ABCF1: variants seen among roughly 807,000 people sequenced by gnomAD.
The protein encoded by ABCF1 is ATP-binding cassette sub-family F member 1.
A neutral mutation model predicts 126.3 loss-of-function variants in ABCF1; 73 were observed. That is an observed-to-expected ratio of 0.58 (90% CI 0.48 to 0.70). The LOEUF (loss-of-function observed/expected upper bound fraction) is 0.70. Ranked by LOEUF, ABCF1 falls within the 30% of genes least tolerant of loss-of-function variation. The pLI is 0.00. For missense variants in ABCF1, 786 were observed against 1,057.5 expected (o/e 0.74, Z 3.56); for synonymous variants, 345 against 396.4 (o/e 0.87, Z 1.54).
At chr6:30,577,348 G>A (rs1397284560) in intron 1 of ABCF1, 61 bp from the exon 2 acceptor site, 3 of 1,527,688 alleles carry the variant, frequency 2.0e-6, no homozygotes, top group Non-Finnish European at 2.7e-6. Flanking sequence ...TCTTTGCAGG[G>A]GGGATCAGAC....
rs1336464217 is a variant in ABCF1 at position 30,586,313 on chromosome 6, C to T, written c.1885+8C>T. 5.6e-6 allele frequency: 9 copies of T among 1,602,534 alleles called. No homozygotes were observed. Among genetic ancestry groups the T allele is most frequent in the Non-Finnish European group, 7.7e-6 (9 of 1,174,138 alleles). Reference sequence around the variant, plus strand: ...CAGTGCTGGGTCTGCATGGTGAGTGCCGCGGGCCTCTGCTGCTCCACAGGA... The same window carrying T: ...CAGTGCTGGGTCTGCATGGTGAGTGTCGCGGGCCTCTGCTGCTCCACAGGA... On this transcript the variant is annotated splice_region_variant and intron_variant, in intron 18 of 24. Coordinates refer to ENST00000326195, the MANE Select transcript of ABCF1 (RefSeq NM_001025091.2). The surrounding 1 kb of genome is among the most constrained non-coding windows in gnomAD (Gnocchi z 4.9).
intron 20 of ABCF1, among the ~76,000 whole-genome samples, chr6:30,587,111 G>A (rs1013200476): frequency 2.0e-5 from 3 of 152,130 alleles, no homozygotes; most frequent in African/African-American, 4.8e-5. Flanking sequence ...AAAATTAGCC[G>A]TGTGCGGTGG....
In ABCF1 at chr6:30,579,994, G is replaced by C; in HGVS notation, c.553G>C (p.Gly185Arg). 6.2e-7 allele frequency: 1 copy of C among 1,612,676 alleles called. No homozygotes were observed. The highest frequency in any genetic ancestry group is 8.5e-7 in the Non-Finnish European group (1 of 1,179,852). Residue 185 changes from glycine to arginine, a missense_variant, in exon 7 of 25, where the codon GGG (glycine) becomes CGG (arginine). This residue lies in a region of ABCF1 where 322 missense variants were observed against 322.9 expected (regional missense o/e 1.00). Coordinates refer to ENST00000326195, the MANE Select transcript of ABCF1 (RefSeq NM_001025091.2). Reference protein sequence around the residue: ...GKKGKEEKSKGKAKPQNKFAA... With the variant: ...GKKGKEEKSKRKAKPQNKFAA... ...AAAGGGAAAGGAAGAGAAGTCAAAA[G>C]GGAAGGCTAAGGTGAGAGAGTAACT...
Position 30,577,906 on chromosome 6 carries a change from A to G in ABCF1, c.209A>G (p.Gln70Arg). 6.2e-7 allele frequency: 1 copy of G among 1,614,044 alleles called. No homozygotes were observed. ...KEKEQQQQQQ[Q>R]QQQKKKRDTR... Reference sequence around the variant, plus strand: ...AAGGAGCAGCAGCAGCAGCAACAGCAACAGCAGGTACAAGTGCCACAGGGC... The same window carrying G: ...AAGGAGCAGCAGCAGCAGCAACAGCGACAGCAGGTACAAGTGCCACAGGGC... The change falls in exon 3 of 25, where the codon CAA becomes CGA. Residue 70 changes from glutamine (Q) to arginine (R), a missense_variant. By Grantham distance (43) the Gln-to-Arg change is conservative (BLOSUM62 1). Around this residue, in one of 4 missense-constraint regions of ABCF1, gnomAD observed 322 missense variants for 322.9 expected, o/e 1.00. Coordinates refer to ENST00000326195, the MANE Select transcript of ABCF1 (RefSeq NM_001025091.2).
At chr6:30,580,061 T>G in intron 7 of ABCF1, 56 bp downstream of exon 7, 1 of 1,577,218 alleles carries the variant, frequency 6.3e-7, no homozygotes, top group Non-Finnish European at 8.7e-7. Flanking sequence ...AAACATTTCA[T>G]CAGGGCTGGG....
chr6:30,585,167 A>G (rs1383384686), intron 14 of ABCF1, 93 bp from the exon 15 acceptor site: 9 of 1,140,416 alleles, frequency 7.9e-6, no homozygotes, highest in Non-Finnish European at 1.2e-5. Flanking sequence ...AGGAGTGTTC[A>G]TGGTCTCAGG....
At position 30,579,519 on chromosome 6, in the gene ABCF1, G is replaced by T. The variant is rs192999474; in HGVS notation, c.490-412G>T. On this transcript the variant is annotated intron_variant, in intron 6 of 24. Coordinates refer to ENST00000326195, the MANE Select transcript of ABCF1 (RefSeq NM_001025091.2). Reference sequence around the variant, plus strand: ...TGTTGCCAGGCTGGAGTGCAGTGGCGTAATCCTGGCTCACTGCAACCTCCG... The same window carrying T: ...TGTTGCCAGGCTGGAGTGCAGTGGCTTAATCCTGGCTCACTGCAACCTCCG... Among the ~76,000 whole-genome samples the T allele has an allele frequency of 8.9e-5, 13 of 146,836 alleles. No individual in the cohort carries two copies. The East Asian group carries it at 2.0e-3, about 23-fold the overall frequency.
Position 30,579,217 on chromosome 6 carries a change from T to C in ABCF1, c.489+640T>C, listed in dbSNP as rs377626721. Among the ~76,000 whole-genome samples, 352 of 152,236 alleles carry C rather than the reference T, an allele frequency of 2.3e-3. 13 individuals are homozygous for C. The South Asian group carries it at 0.057, about 25-fold the overall frequency. On this transcript the variant is annotated intron_variant, in intron 6 of 24. Coordinates refer to ENST00000326195, the MANE Select transcript of ABCF1 (RefSeq NM_001025091.2). ...TCTGGTGGCGCACTTGCCTGACTTA[T>C]AATCCTTAGCCTTGCTGACGTTCCC...
At position 30,586,560 on chromosome 6, in the gene ABCF1, G is replaced by A; in HGVS notation, c.1960+12G>A. The A allele has an allele frequency of 6.2e-7, 1 of 1,613,308 alleles. No individual in the cohort carries two copies. The highest frequency in any genetic ancestry group is 8.5e-7 in the Non-Finnish European group (1 of 1,180,006). On this transcript the variant is annotated intron_variant, in intron 19 of 24. Transcript: ENST00000326195. This position sits in a 1 kb window ranked among gnomAD's most constrained non-coding sequence, Gnocchi z 4.9. ...CATGGATTCAAGGAGTGAGTTGGCG[G>A]GGTTGCCTCAGGGATGTGTAGCAGG...
Position 30,590,863 on chromosome 6 carries a change from T to A in ABCF1, c.*162T>A. The A allele has an allele frequency of 1.5e-6, 1 of 665,266 alleles. No homozygotes were observed. Among genetic ancestry groups the A allele is most frequent in the Non-Finnish European group, 2.4e-6 (1 of 409,336 alleles). 41.2% of individuals were successfully genotyped at this position (665,266 alleles called of 1,614,324 possible). A position where few individuals can be genotyped will look rare whatever the true frequency, so the allele number is the denominator to read the frequency against. ...CCTTGATGTGACCGGGATCCCACTCTGATTGCATCCATTTCTCTGAAAGAC... is the reference window on the plus strand; with the variant it reads ...CCTTGATGTGACCGGGATCCCACTCAGATTGCATCCATTTCTCTGAAAGAC... On this transcript the variant is annotated 3_prime_UTR_variant, in exon 25 of 25. Coordinates refer to ENST00000326195, the MANE Select transcript of ABCF1 (RefSeq NM_001025091.2).
chr6:30,579,343 C>T (rs1369710631), intron 6 of ABCF1, among the ~76,000 whole-genome samples: 6 of 151,914 alleles, frequency 3.9e-5, no homozygotes, highest in African/African-American at 4.8e-5. Flanking sequence ...CCAACTTCTG[C>T]TTCGGTGTAC....
intron 4 of ABCF1, 50 bp from the exon 5 acceptor site, chr6:30,578,298 C>T (rs758460537): frequency 9.9e-6 from 16 of 1,613,544 alleles, no homozygotes; most frequent in Non-Finnish European, 1.4e-5. Context: ...AATTGGGGGG[C>T]CAGACATTGT....
chr6:30,578,715 G>T (rs1801647768), intron 6 of ABCF1, 138 bp downstream of exon 6: 1 of 865,438 alleles, frequency 1.2e-6, no homozygotes. Flanking sequence ...TAGAATACAT[G>T]CCCAGGCTGG....
rs1231710498 is a variant in ABCF1, at chr6:30,591,137, C to G, written c.*436C>G. The G allele has an allele frequency of 1.2e-5, 2 of 162,920 alleles. No individual in the cohort carries two copies. Among genetic ancestry groups the G allele is most frequent in the African/African-American group, 4.8e-5 (2 of 41,908 alleles). The allele number at this position is 162,920 out of a possible 1,614,324, so 10.1% of individuals were successfully genotyped here. A position where few individuals can be genotyped will look rare whatever the true frequency, so the allele number is the denominator to read the frequency against. ...TTTAATGCTGACTCACTGGTACAAA[C>G]AGCTGTTGAAGCTCAGAGCTGGAGG... On this transcript the variant is annotated 3_prime_UTR_variant, in exon 25 of 25. Transcript: ENST00000326195.
chr6:30,589,851 G>A lies in ABCF1; in HGVS notation c.2110G>A (p.Glu704Lys), dbSNP rs1294538206. The stretch of plus-strand genomic sequence containing the variant: ...GCAGTATGCAGAGCAGCTGCGCATG[G>A]AGGAGACGCCCACTGAGTACCTGCA... ...NQQYAEQLRMEETPTEYLQRG... is the reference protein window; with the variant it reads ...NQQYAEQLRMKETPTEYLQRG... The change falls in exon 22 of 25, where the codon GAG (glutamate) becomes AAG (lysine). Residue 704 changes from glutamate to lysine, a missense_variant. Physicochemically the swap from Glu to Lys is moderately conservative, Grantham distance 56. This residue lies in a region of ABCF1 where 288 missense variants were observed against 423.5 expected (regional missense o/e 0.68). Transcript: ENST00000326195. The A allele has an allele frequency of 6.2e-7, 1 of 1,614,076 alleles. No homozygotes were observed. Among genetic ancestry groups the A allele is most frequent in the Non-Finnish European group, 8.5e-7 (1 of 1,180,050 alleles).
chr6:30,576,799 A>G (rs1197495738), intron 1 of ABCF1, among the ~76,000 whole-genome samples: 1 of 152,118 alleles, frequency 6.6e-6, no homozygotes. Flanking sequence ...TAACCTTGCT[A>G]CAAGGCCCTC....
At chr6:30,579,899 ATG>A in intron 6 of ABCF1, 30 bp from the exon 7 acceptor site, 1 of 1,598,838 alleles carries the variant, frequency 6.3e-7, no homozygotes, top group South Asian at 1.1e-5. Context: ...ATTTGTATGT[ATG>A]TGTGTAATGT....
chr6:30,579,751 C>T (rs774915408), intron 6 of ABCF1, among the ~76,000 whole-genome samples, 180 bp from the exon 7 acceptor site: 44 of 152,098 alleles, frequency 2.9e-4, no homozygotes, highest in African/African-American at 2.4e-4. Context: ...CCACCACGCC[C>T]GGCCAAGAAC....
At position 30,582,420 on chromosome 6, in the gene ABCF1, A is replaced by G. The variant is rs1289797986; in HGVS notation, c.705A>G (p.Glu235=). 1 of 1,609,330 alleles carries G rather than the reference A, an allele frequency of 6.2e-7. No homozygotes were observed. The highest frequency in any genetic ancestry group is 8.5e-7 in the Non-Finnish European group (1 of 1,176,904). ...EQGSEEEGEG[E]EEEEEGGESK... ...GTTCAGAGGAAGAAGGAGAAGGGGAAGAAGAGGAGGAGGAAGGAGGAGAGT... is the reference window on the plus strand; with the variant it reads ...GTTCAGAGGAAGAAGGAGAAGGGGAGGAAGAGGAGGAGGAAGGAGGAGAGT... Residue 235 remains glutamate (E), a synonymous_variant, in exon 9 of 25, where the codon GAA becomes GAG. Transcript: ENST00000326195.
Sources: gnomAD v4.1 joint callset for allele counts (sites outside exome capture counted in the v4.1 genomes callset) on GRCh38, gnomAD v4.1.1 for gene constraint, gnomAD v4.1.1 regional missense constraint, Gnocchi (gnomAD v3.1) non-coding constraint, MANE v1.5 for transcripts, NCBI Gene and HGNC (gene_info 2026-07-23, HGNC 2026-07-21) for gene names.